The following ITGA9 variants were observed in gnomAD, a reference collection of about 807,000 sequenced individuals.
ITGA9 encodes the protein integrin alpha-9.
Under a neutral mutation model 127.8 loss-of-function variants are expected in ITGA9, and 56 were observed. The observed-to-expected ratio is 0.44, with a 90% CI of 0.35 to 0.55. ITGA9 has a LOEUF of 0.55. Among genes scored for constraint, ITGA9 ranks in the 20% least tolerant of loss-of-function variants. The pLI, the probability that ITGA9 is intolerant of heterozygous loss-of-function variation, is 0.00. For synonymous variants in ITGA9, 508 were observed against 514.5 expected (o/e 0.99, Z 0.17); for missense variants, 1,196 against 1,347.1 (o/e 0.89, Z 1.76).
intron 15 of ITGA9, among the ~76,000 whole-genome samples, chr3:37,544,900 G>A (rs538563385): frequency 6.6e-6 from 1 of 152,248 alleles, no homozygotes; most frequent in South Asian, 2.1e-4. Context: ...ATAACCATGA[G>A]AATGTTTATT....
At chr3:37,465,054 C>CTGAAAGCAAACCTAATGGGTTT (rs1392583283) in intron 1 of ITGA9, among the ~76,000 whole-genome samples, 1 of 152,190 alleles carries the variant, frequency 6.6e-6, no homozygotes, top group Non-Finnish European at 1.5e-5. Context: ...GGATCAAATG[C>CTGAAAGCAAACCTAATGGGTTT]TGAAAGCAAA....
At chr3:37,607,799 C>T (rs1699981953) in intron 15 of ITGA9, among the ~76,000 whole-genome samples, 1 of 152,120 alleles carries the variant, frequency 6.6e-6, no homozygotes, top group African/African-American at 2.4e-5. Context: ...AACATCGTGC[C>T]CAGAAATAGC....
chr3:37,628,157 C>G (rs1244230681), intron 15 of ITGA9, among the ~76,000 whole-genome samples: 1 of 152,152 alleles, frequency 6.6e-6, no homozygotes, highest in Non-Finnish European at 1.5e-5. Context: ...TCATTCTTCC[C>G]TGCTGCCACT....
intron 18 of ITGA9, among the ~76,000 whole-genome samples, chr3:37,704,433 A>G (rs1427384677): frequency 6.6e-6 from 1 of 152,170 alleles, no homozygotes; most frequent in Non-Finnish European, 1.5e-5. Context: ...AAGGAAGAGC[A>G]CCTATGAGAG....
At chr3:37,660,352 C>G (rs555009708) in intron 17 of ITGA9, among the ~76,000 whole-genome samples, 6 of 152,094 alleles carry the variant, frequency 3.9e-5, no homozygotes, top group Admixed American at 2.6e-4. Context: ...TATTTTGGAT[C>G]GTAGAAAAAC....
At position 37,800,152 on chromosome 3, in the gene ITGA9, A is replaced by G. The variant is rs771506903; in HGVS notation, c.2890-3671A>G. Among the ~76,000 whole-genome samples, 75 of 152,192 alleles carry G rather than the reference A, an allele frequency of 4.9e-4. 2 individuals are homozygous for G. Among genetic ancestry groups the G allele is most frequent in the Non-Finnish European group, 1.8e-4 (12 of 68,028 alleles). On this transcript the variant is annotated intron_variant, in intron 26 of 27. Coordinates refer to ENST00000264741, the MANE Select transcript of ITGA9 (RefSeq NM_002207.3). ...CTTGACAGACTAAACTGTAGCTGCT[A>G]CTTTAACCTCTGTGTCCACAAAACC...
At chr3:37,566,559 T>C (rs747763213) in intron 15 of ITGA9, among the ~76,000 whole-genome samples, 5 of 152,246 alleles carry the variant, frequency 3.3e-5, no homozygotes, top group Non-Finnish European at 5.9e-5. Context: ...ATTAGGAATC[T>C]ATTTTTCAAC....
intron 15 of ITGA9, among the ~76,000 whole-genome samples, chr3:37,548,717 G>A (rs969047812): frequency 6.6e-6 from 1 of 152,178 alleles, no homozygotes; most frequent in African/African-American, 2.4e-5. Context: ...GGACCCCTGA[G>A]AGGGCAGCAT....
intron 13 of ITGA9, 140 bp from the exon 14 acceptor site, chr3:37,533,173 GC>G: frequency 2.5e-6 from 2 of 790,360 alleles, no homozygotes; most frequent in Non-Finnish European, 4.3e-6. Context: ...GAACATACTA[GC>G]CCTTCTCTCT....
At chr3:37,524,613 G>C (rs1255738409) in intron 12 of ITGA9, among the ~76,000 whole-genome samples, 1 of 152,188 alleles carries the variant, frequency 6.6e-6, no homozygotes, top group Non-Finnish European at 1.5e-5. Flanking sequence ...TACCTTATAT[G>C]GGTTTAGCAT....
At chr3:37,593,163 C>G (rs1699836543) in intron 15 of ITGA9, among the ~76,000 whole-genome samples, 1 of 152,128 alleles carries the variant, frequency 6.6e-6, no homozygotes, top group Admixed American at 6.5e-5. Flanking sequence ...TGCTCAAGTC[C>G]CTGATATAAG....
intron 14 of ITGA9, among the ~76,000 whole-genome samples, chr3:37,541,058 A>G (rs1188949044): frequency 6.6e-6 from 1 of 152,250 alleles, no homozygotes; most frequent in African/African-American, 2.4e-5. Flanking sequence ...CAGAATGCCC[A>G]TTCAGGTCAC....
rs1479214509 is a variant in ITGA9, at chr3:37,819,261, T to C, written c.*272T>C. ...GCAATATTTATGGATGCAACACGCA[T>C]GGTCAACCCTCAGGGGAAAACTGTT... is the stretch of plus-strand genomic sequence containing the variant. On this transcript the variant is annotated 3_prime_UTR_variant, in exon 28 of 28. Coordinates refer to ENST00000264741, the MANE Select transcript of ITGA9 (RefSeq NM_002207.3). 1.9e-6 allele frequency: 1 copy of C among 527,714 alleles called. No homozygotes were observed. The highest frequency in any genetic ancestry group is 1.9e-5 in the African/African-American group (1 of 52,626). 32.7% of individuals were successfully genotyped at this position (527,714 alleles called of 1,614,324 possible).
chr3:37,725,716 T>A (rs756047771), intron 18 of ITGA9, among the ~76,000 whole-genome samples: 1 of 152,192 alleles, frequency 6.6e-6, no homozygotes, highest in Non-Finnish European at 1.5e-5. Flanking sequence ...AGTAAACCAT[T>A]ACTAAGTAGA....
At chr3:37,658,325 T>G (rs886804816) in intron 17 of ITGA9, among the ~76,000 whole-genome samples, 7 of 152,222 alleles carry the variant, frequency 4.6e-5, no homozygotes, top group African/African-American at 1.7e-4. Context: ...AGTCTAAGTC[T>G]CTTTGTAGGT....
chr3:37,520,424 G>T (rs1445683253), intron 11 of ITGA9, among the ~76,000 whole-genome samples: 1 of 152,206 alleles, frequency 6.6e-6, no homozygotes, highest in Non-Finnish European at 1.5e-5. Context: ...GGCCCAAGGA[G>T]GTTATTTAAC....
At chr3:37,507,062 G>A (rs556813618) in intron 7 of ITGA9, among the ~76,000 whole-genome samples, 2 of 152,326 alleles carry the variant, frequency 1.3e-5, no homozygotes, top group African/African-American at 2.4e-5. Context: ...CAGAGGTTAG[G>A]AGCTGCTGCT....
chr3:37,504,711 A>G (rs951936025), intron 6 of ITGA9, among the ~76,000 whole-genome samples: 1 of 152,168 alleles, frequency 6.6e-6, no homozygotes, highest in Non-Finnish European at 1.5e-5. Context: ...AGAGGCTCTT[A>G]TCAGCTGCAG....
At position 37,571,363 on chromosome 3, in the gene ITGA9, A is replaced by G. The variant is rs533215200; in HGVS notation, c.1689+28778A>G. Among the ~76,000 whole-genome samples the G allele has an allele frequency of 5.9e-5, 9 of 152,108 alleles. No homozygotes were observed. In the South Asian group the frequency reaches 1.9e-3, roughly 32 times the overall value. ...ATGATGATTAAGATAGGACAATTGG[A>G]CAAAAAGGCTGGGCCTTCTTAGGTG... On this transcript the variant is annotated intron_variant, in intron 15 of 27. Transcript: ENST00000264741.
Sources: gnomAD v4.1 joint callset for allele counts (sites outside exome capture counted in the v4.1 genomes callset) on GRCh38, gnomAD v4.1.1 for gene constraint, MANE v1.5 for transcripts, NCBI Gene and HGNC (gene_info 2026-07-23, HGNC 2026-07-21) for gene names.